The following LAMA2 variants were observed in gnomAD, a reference collection of about 807,000 sequenced individuals.
The protein encoded by LAMA2 is laminin subunit alpha 2.
In LAMA2, 269 loss-of-function variants were observed where a neutral mutation model predicts 364.8. That is an observed-to-expected ratio of 0.74 (90% CI 0.67 to 0.82). LAMA2 has a LOEUF of 0.82. Among genes scored for constraint, LAMA2 ranks in the 40% least tolerant of loss-of-function variants. The pLI is 0.00. For missense variants in LAMA2, 3,807 were observed against 3,873.2 expected (o/e 0.98, Z 0.45); for synonymous variants, 1,379 against 1,370.6 (o/e 1.01, Z -0.14).
At chr6:129,408,618 T>TA (rs1780367660) in intron 40 of LAMA2, among the ~76,000 whole-genome samples, 1 of 152,174 alleles carries the variant, frequency 6.6e-6, no homozygotes, top group Non-Finnish European at 1.5e-5. Flanking sequence ...AGAGGTCTGA[T>TA]ATAATCAACC....
intron 10 of LAMA2, 139 bp downstream of exon 10, chr6:129,178,005 A>ATAAATGTCTTTAAATGC: frequency 1.2e-6 from 1 of 865,956 alleles, no homozygotes; most frequent in African/African-American, 1.9e-5. Flanking sequence ...GTGGTGACCC[A>ATAAATGTCTTTAAATGC]CCAGGTTCAC....
intron 1 of LAMA2, among the ~76,000 whole-genome samples, chr6:129,028,958 G>C (rs1173140102): frequency 6.6e-6 from 1 of 151,772 alleles, no homozygotes; most frequent in African/African-American, 2.4e-5. Context: ...GTCTTGACAT[G>C]CCCAAATCCA....
In LAMA2 at chr6:128,945,058, A is replaced by G. The variant is rs190692281; in HGVS notation, c.112+61701A>G. ...CTCTGAAGGTTTGTTACATCACAGC[A>G]TTTGAGGAATGGCTGGGGTGATGGC... On this transcript the variant is annotated intron_variant, in intron 1 of 64. Coordinates refer to ENST00000421865, the MANE Select transcript of LAMA2 (RefSeq NM_000426.4). Among the ~76,000 whole-genome samples the G allele has an allele frequency of 2.0e-5, 3 of 152,320 alleles. No individual in the cohort carries two copies. The East Asian group carries it at 5.8e-4, about 29-fold the overall frequency.
At chr6:129,409,427 C>T (rs752336602) in intron 40 of LAMA2, among the ~76,000 whole-genome samples, 1 of 152,148 alleles carries the variant, frequency 6.6e-6, no homozygotes, top group Non-Finnish European at 1.5e-5. Context: ...AGGACTGGCT[C>T]GAGCCTGATC....
intron 1 of LAMA2, among the ~76,000 whole-genome samples, chr6:128,984,904 A>T (rs916950272): frequency 6.6e-6 from 1 of 152,188 alleles, no homozygotes; most frequent in Non-Finnish European, 1.5e-5. Context: ...ATAAAGATTC[A>T]TGAATATTTC....
At chr6:128,961,155 T>G (rs917867980) in intron 1 of LAMA2, among the ~76,000 whole-genome samples, 1 of 151,208 alleles carries the variant, frequency 6.6e-6, no homozygotes, top group African/African-American at 2.4e-5. Context: ...GAGCTAAGGA[T>G]GAGAATAATC....
chr6:129,440,261 GTTTTTACTT>G (rs1562565475), intron 42 of LAMA2, among the ~76,000 whole-genome samples: 1 of 152,022 alleles, frequency 6.6e-6, no homozygotes, highest in African/African-American at 2.4e-5. Context: ...AATCTCGGTG[GTTTTTACTT>G]TTTTAACGTT....
chr6:129,160,232 T>C (rs962125556), intron 8 of LAMA2, among the ~76,000 whole-genome samples: 2 of 152,140 alleles, frequency 1.3e-5, no homozygotes, highest in Non-Finnish European at 2.9e-5. Context: ...TCTCTAGTTT[T>C]CTTCGTGCAT....
intron 21 of LAMA2, 66 bp downstream of exon 21, chr6:129,297,931 A>G (rs145270426): frequency 3.1e-5 from 43 of 1,371,666 alleles, no homozygotes; most frequent in Non-Finnish European, 4.4e-5. Context: ...CTTCTGTAAC[A>G]GTTTGTTCTT....
intron 28 of LAMA2, among the ~76,000 whole-genome samples, chr6:129,326,704 T>G (rs934025503): frequency 6.9e-6 from 1 of 145,162 alleles, no homozygotes; most frequent in Non-Finnish European, 1.5e-5. Flanking sequence ...TATATATAAT[T>G]TTATATACAT....
In LAMA2 at chr6:128,943,277, G is replaced by C. The variant is rs994132201; in HGVS notation, c.112+59920G>C. The stretch of plus-strand genomic sequence containing the variant: ...GTGTGTGTATATATACACAGAGAGA[G>C]AGAGAGAGAGAGAGAGAGAGAGAGA... On this transcript the variant is annotated intron_variant, in intron 1 of 64. Transcript: ENST00000421865. Among the ~76,000 whole-genome samples, 170 of 23,974 alleles carry C rather than the reference G, an allele frequency of 7.1e-3. 1 individual carries two copies. Among genetic ancestry groups the C allele is most frequent in the African/African-American group, 0.01 (158 of 15,338 alleles). The allele number at this position is 23,974 out of a possible 152,430, so 15.7% of individuals were successfully genotyped here. A position where few individuals can be genotyped will look rare whatever the true frequency, so the allele number is the denominator to read the frequency against.
chr6:129,516,279 C>G lies in LAMA2; in HGVS notation c.9301C>G (p.Leu3101Val). The G allele has an allele frequency of 6.2e-7, 1 of 1,614,124 alleles. No individual in the cohort carries two copies. Among genetic ancestry groups the G allele is most frequent in the Non-Finnish European group, 8.5e-7 (1 of 1,180,010 alleles). ...GCTCACCAAAGGCACAGGCAAGCCACTGGAGGTTAATTTTGCCAAGGCCCT... is the reference window on the plus strand; with the variant it reads ...GCTCACCAAAGGCACAGGCAAGCCAGTGGAGGTTAATTTTGCCAAGGCCCT... ...LKLTKGTGKP[L>V]EVNFAKALEL... Residue 3101 changes from leucine to valine, a missense_variant, in exon 65 of 65, where the codon CTG (leucine) becomes GTG (valine). Leu to Val is a conservative substitution (Grantham distance 32). Around this residue, in one of 3 missense-constraint regions of LAMA2, gnomAD observed 3,333 missense variants for 3,345.7 expected, o/e 1.00. Coordinates refer to ENST00000421865, the MANE Select transcript of LAMA2 (RefSeq NM_000426.4).
intron 1 of LAMA2, among the ~76,000 whole-genome samples, chr6:128,933,421 A>C (rs752326413): frequency 6.6e-6 from 1 of 152,170 alleles, no homozygotes; most frequent in Non-Finnish European, 1.5e-5. Flanking sequence ...CACCTTTTAA[A>C]ATATATAGCT....
chr6:128,917,948 C>G (rs1371015988), intron 1 of LAMA2, among the ~76,000 whole-genome samples: 1 of 151,810 alleles, frequency 6.6e-6, no homozygotes, highest in East Asian at 1.9e-4. Context: ...GTTGCTCAGA[C>G]TGAACTCCTG....
chr6:129,474,868 G>T (rs1266532968), intron 52 of LAMA2, among the ~76,000 whole-genome samples: 1 of 152,060 alleles, frequency 6.6e-6, no homozygotes, highest in Admixed American at 6.6e-5. Context: ...TCCATGGTGT[G>T]GCACATTATT....
chr6:129,481,153 T>G, intron 54 of LAMA2, 110 bp from the exon 55 acceptor site: 4 of 835,942 alleles, frequency 4.8e-6, no homozygotes, highest in Non-Finnish European at 6.2e-6. Context: ...TCTAAACCTA[T>G]GATGTATTTC....
intron 34 of LAMA2, among the ~76,000 whole-genome samples, chr6:129,372,874 G>C (rs1270082908): frequency 6.6e-6 from 1 of 152,030 alleles, no homozygotes; most frequent in Non-Finnish European, 1.5e-5. Context: ...TCTTGTTTTA[G>C]TTTGCAATTC....
intron 10 of LAMA2, among the ~76,000 whole-genome samples, chr6:129,189,911 C>A (rs1468446007): frequency 3.9e-5 from 6 of 152,054 alleles, no homozygotes; most frequent in African/African-American, 1.2e-4. Flanking sequence ...TGCATTCCTG[C>A]ACAGGTATTT....
intron 1 of LAMA2, among the ~76,000 whole-genome samples, chr6:128,974,544 A>G (rs886543908): frequency 3.9e-5 from 6 of 152,202 alleles, no homozygotes; most frequent in African/African-American, 1.4e-4. Flanking sequence ...GTATTCAATT[A>G]TATTATGGGA....
Sources: gnomAD v4.1 joint callset for allele counts (sites outside exome capture counted in the v4.1 genomes callset) on GRCh38, gnomAD v4.1.1 for gene constraint, gnomAD v4.1.1 regional missense constraint, MANE v1.5 for transcripts, NCBI Gene and HGNC (gene_info 2026-07-23, HGNC 2026-07-21) for gene names.